Variants in PLAC1 observed in about 807,000 individuals in gnomAD.
PLAC1 encodes the protein placenta associated 1, also known as placenta-specific protein 1.
For missense variants in PLAC1, 136 were observed against 163.2 expected (o/e 0.83, Z 0.91); for synonymous variants, 68 against 62.1 (o/e 1.09, Z -0.44).
chrX:134,713,644 A>T (rs2078634711), intron 2 of PLAC1, among the ~76,000 whole-genome samples: 1 of 112,153 alleles, frequency 8.9e-6, no homozygotes, highest in Non-Finnish European at 1.9e-5. Flanking sequence ...TGGTCATAAA[A>T]GCAGTAAGGA....
At chrX:134,571,116 G>A (rs1325804497) in intron 2 of PLAC1, among the ~76,000 whole-genome samples, 1 of 111,508 alleles carries the variant, frequency 9.0e-6, no homozygotes, top group Non-Finnish European at 1.9e-5. Context: ...CTTATAGACA[G>A]GAAGAGAATG....
At chrX:134,681,771 T>G (rs1224874567) in intron 2 of PLAC1, among the ~76,000 whole-genome samples, 1 of 111,531 alleles carries the variant, frequency 9.0e-6, no homozygotes, top group African/African-American at 3.3e-5. Context: ...TGAAAAAACA[T>G]GAAGGTATCA....
At chrX:134,700,357 A>G (rs1222914526) in intron 2 of PLAC1, among the ~76,000 whole-genome samples, 1 of 111,949 alleles carries the variant, frequency 8.9e-6, no homozygotes, top group Non-Finnish European at 1.9e-5. Flanking sequence ...TTCTTTACTC[A>G]TTACTCTCCT....
chrX:134,704,172 A>T (rs1294357045), intron 2 of PLAC1, among the ~76,000 whole-genome samples: 10 of 109,097 alleles, frequency 9.2e-5, no homozygotes, highest in Non-Finnish European at 1.5e-4. Flanking sequence ...GCAGAAAAAA[A>T]TAAAAAAGAA....
chrX:134,574,847 C>T (rs1424555384), intron 2 of PLAC1, among the ~76,000 whole-genome samples: 3 of 111,295 alleles, frequency 2.7e-5, no homozygotes, highest in Admixed American at 9.6e-5. Flanking sequence ...TGGGGTGCCT[C>T]GAAGGGGCTT....
At chrX:134,636,633 G>A (rs781732055) in intron 1 of PLAC1, among the ~76,000 whole-genome samples, 9 of 112,327 alleles carry the variant, frequency 8.0e-5, no homozygotes, top group African/African-American at 2.9e-4. Flanking sequence ...CATGGATAAG[G>A]TGAAACTTAA....
intron 2 of PLAC1, among the ~76,000 whole-genome samples, chrX:134,665,760 A>G (rs1019419425): frequency 3.6e-5 from 4 of 111,235 alleles, no homozygotes; most frequent in Non-Finnish European, 7.5e-5. Context: ...AGAAAAGGGG[A>G]GAAAGCAGGA....
At chrX:134,625,432 T>C (rs2078232002) in intron 1 of PLAC1, among the ~76,000 whole-genome samples, 1 of 112,490 alleles carries the variant, frequency 8.9e-6, no homozygotes. Flanking sequence ...ACCACCCTCC[T>C]CTGCTTTCTA....
rs369341182 is a variant in PLAC1 at position 134,592,680 on chromosome X, TAATC to T, written c.-59+9367_-59+9370del. ...TCCACAGTTCCATGAGCCAATTCCT[TAATC>T]AATCAATCAATCAATCAATCTCTCT... On this transcript the variant is annotated intron_variant, in intron 2 of 2. Coordinates refer to ENST00000359237, the MANE Select transcript of PLAC1 (RefSeq NM_021796.4). Among the ~76,000 whole-genome samples the T allele has an allele frequency of 2.7e-3, 292 of 108,635 alleles. 3 individuals are homozygous for T. Among genetic ancestry groups the T allele is most frequent in the African/African-American group, 9.4e-3 (281 of 29,827 alleles). 94.3% of individuals were successfully genotyped at this position (108,635 alleles called of 115,157 possible).
intron 2 of PLAC1, among the ~76,000 whole-genome samples, chrX:134,665,071 AGTGTGT>A (rs59815179): frequency 0.014 from 1,431 of 103,835 alleles, 25 homozygotes; most frequent in African/African-American, 0.046. Context: ...GTGATTTTGG[AGTGTGT>A]GTGTGTGTGT....
At chrX:134,743,843 A>G (rs894111618) in intron 1 of PLAC1, among the ~76,000 whole-genome samples, 2 of 112,492 alleles carry the variant, frequency 1.8e-5, no homozygotes, top group Non-Finnish European at 3.8e-5. Context: ...TAACCAATAC[A>G]AAATAAGTTA....
At chrX:134,761,395 C>T in intron 1 of PLAC1, among the ~76,000 whole-genome samples, 1 of 111,809 alleles carries the variant, frequency 8.9e-6, no homozygotes, top group Non-Finnish European at 1.9e-5. Flanking sequence ...CCTTTTTACT[C>T]AAATATTTTC....
chrX:134,745,147 A>G (rs1041677468), intron 1 of PLAC1, among the ~76,000 whole-genome samples: 1 of 111,599 alleles, frequency 9.0e-6, no homozygotes, highest in African/African-American at 3.3e-5. Context: ...CTCCTCCCCC[A>G]GTTGACTTTA....
At chrX:134,620,686 G>A (rs1177544725) in intron 1 of PLAC1, among the ~76,000 whole-genome samples, 1 of 111,567 alleles carries the variant, frequency 9.0e-6, no homozygotes, top group Non-Finnish European at 1.9e-5. Context: ...TATCTCACAG[G>A]AGCCTCGAAA....
intron 2 of PLAC1, among the ~76,000 whole-genome samples, chrX:134,669,820 A>G (rs951620639): frequency 2.7e-5 from 3 of 112,108 alleles, no homozygotes; most frequent in Non-Finnish European, 3.8e-5. Flanking sequence ...GGGGCCGTAC[A>G]CAGCCCGGCT....
chrX:134,713,146 G>T (rs1435294288), intron 2 of PLAC1, among the ~76,000 whole-genome samples: 1 of 111,367 alleles, frequency 9.0e-6, no homozygotes, highest in Non-Finnish European at 1.9e-5. Flanking sequence ...GTTCCCCAAA[G>T]GTCCCAAACC....
chrX:134,634,342 C>T (rs1475206027), intron 1 of PLAC1, among the ~76,000 whole-genome samples: 3 of 112,067 alleles, frequency 2.7e-5, no homozygotes, highest in East Asian at 5.6e-4. Context: ...GGAGGCCACA[C>T]GTTTAATGGC....
intron 1 of PLAC1, among the ~76,000 whole-genome samples, chrX:134,741,137 G>A (rs772760598): frequency 8.9e-6 from 1 of 111,922 alleles, no homozygotes; most frequent in East Asian, 2.8e-4. Context: ...ATTATGCTTC[G>A]ATAACAATTT....
chrX:134,619,423 T>C (rs56926552), intron 1 of PLAC1, among the ~76,000 whole-genome samples: 12,575 of 110,036 alleles, frequency 0.11, 1,768 homozygotes, highest in African/African-American at 0.39. Flanking sequence ...GAGGGCGAGG[T>C]GAGCAGATCA....
Sources: gnomAD v4.1 joint callset for allele counts (sites outside exome capture counted in the v4.1 genomes callset) on GRCh38, gnomAD v4.1.1 for gene constraint, MANE v1.5 for transcripts, NCBI Gene and HGNC (gene_info 2026-07-23, HGNC 2026-07-21) for gene names.